The following ZNF699 variants were observed in gnomAD, a reference collection of about 807,000 sequenced individuals.
ZNF699 encodes hangover homolog.
ZNF699 carries 18 observed loss-of-function variants against 22.5 expected under a neutral mutation model. The ratio of observed to expected loss-of-function variants is 0.80; its 90% CI spans 0.55 to 1.19. The LOEUF (loss-of-function observed/expected upper bound fraction) is 1.19, where lower values mean the gene tolerates loss of function less well. Ranked by LOEUF, ZNF699 falls within the 50% of genes most tolerant of loss-of-function variation. The pLI is 0.00. For missense variants in ZNF699, 670 were observed against 763.4 expected (o/e 0.88, Z 1.44); for synonymous variants, 241 against 262.3 (o/e 0.92, Z 0.78).
At position 9,297,589 on chromosome 19, in the gene ZNF699, C is replaced by T; in HGVS notation, c.287-110G>A. 1 of 792,914 alleles carries T rather than the reference C, an allele frequency of 1.3e-6. No homozygotes were observed. 49.1% of individuals were successfully genotyped at this position (792,914 alleles called of 1,614,324 possible). ...AAGGGTCAAAATGGTAAGCAATTAACTAAGAAATAATTTTATGAAGATTGA... is the reference window on the plus strand; with the variant it reads ...AAGGGTCAAAATGGTAAGCAATTAATTAAGAAATAATTTTATGAAGATTGA... On this transcript the variant is annotated intron_variant, in intron 4 of 5. Coordinates refer to ENST00000591998, the MANE Select transcript of ZNF699 (RefSeq NM_198535.3). This position sits in a 1 kb window ranked among gnomAD's most constrained non-coding sequence, Gnocchi z 4.3.
intron 2 of ZNF699, 147 bp from the exon 3 acceptor site, chr19:9,302,651 C>A (rs2144980883): frequency 1.4e-6 from 1 of 711,836 alleles, no homozygotes; most frequent in East Asian, 2.9e-5. Context: ...GCTCAGTCAA[C>A]AAATCTCTCT....
intron 3 of ZNF699, 52 bp from the exon 4 acceptor site, chr19:9,298,042 C>G (rs1262450710): frequency 8.0e-7 from 1 of 1,252,310 alleles, no homozygotes; most frequent in Non-Finnish European, 1.2e-6. Context: ...GAATCACTAA[C>G]ATTTCCATGA....
At position 9,292,114 on chromosome 19, in the gene ZNF699, C is replaced by T. The variant is rs1446901691; in HGVS notation, c.*3361G>A. ...CTGAGTTCCCAGACTTCACAGTTCC[C>T]ACTTGCTGCTAAGACCAGCATAACA... On this transcript the variant is annotated 3_prime_UTR_variant, in exon 6 of 6. Transcript: ENST00000591998. Among the ~76,000 whole-genome samples the T allele has an allele frequency of 3.3e-5, 5 of 152,118 alleles. No homozygotes were observed. The highest frequency in any genetic ancestry group is 2.6e-4 in the Admixed American group (4 of 15,274).
At chr19:9,308,857 G>A (rs1268743017) in intron 1 of ZNF699, among the ~76,000 whole-genome samples, 3 of 152,184 alleles carry the variant, frequency 2.0e-5, no homozygotes, top group African/African-American at 7.2e-5. Context: ...ACTGACAGAT[G>A]ACCAAATTTT....
Position 9,298,000 on chromosome 19 carries a change from C to G in ZNF699, c.176-10G>C, listed in dbSNP as rs1426667007. On this transcript the variant is annotated splice_polypyrimidine_tract_variant and intron_variant, in intron 3 of 5. Coordinates refer to ENST00000591998, the MANE Select transcript of ZNF699 (RefSeq NM_198535.3). The surrounding 1 kb of genome is among the most constrained non-coding windows in gnomAD (Gnocchi z 4.3). ...GTGTGTAGCGGATACCCTGCACAAG[C>G]AGAAAGGCATATCACGAGGGAAAAT... 6.5e-7 allele frequency: 1 copy of G among 1,550,068 alleles called. No homozygotes were observed. Among genetic ancestry groups the G allele is most frequent in the African/African-American group, 1.4e-5 (1 of 73,154 alleles).
intron 1 of ZNF699, among the ~76,000 whole-genome samples, chr19:9,306,261 G>T (rs1017415767): frequency 6.6e-6 from 1 of 151,912 alleles, no homozygotes; most frequent in Non-Finnish European, 1.5e-5. Flanking sequence ...GCGTGGTGGC[G>T]CAAGCCTGTA....
rs202023274 is a variant in ZNF699, at chr19:9,296,526, G to A, written c.878C>T (p.Ser293Leu). Residue 293 changes from serine to leucine, a missense_variant, in exon 6 of 6, where the codon TCG becomes TTG. Physicochemically the swap from Ser to Leu is moderately radical, Grantham distance 145. Transcript: ENST00000591998. ...ECGKGFSCSSSLTEHKRIHSG... is the reference protein window; with the variant it reads ...ECGKGFSCSSLLTEHKRIHSG... The stretch of plus-strand genomic sequence containing the variant: ...GTGAATTCTTTTGTGTTCTGTGAGC[G>A]ATGAGGAACAACTAAAACCTTTCCC... The A allele has an allele frequency of 1.8e-4, 286 of 1,613,986 alleles. No individual in the cohort carries two copies. Among genetic ancestry groups the A allele is most frequent in the Non-Finnish European group, 2.2e-4 (259 of 1,180,024 alleles).
Position 9,295,944 on chromosome 19 carries a change from G to C in ZNF699, c.1460C>G (p.Ser487Cys). The C allele has an allele frequency of 6.2e-7, 1 of 1,614,024 alleles. No individual in the cohort carries two copies. The highest frequency in any genetic ancestry group is 1.1e-5 in the South Asian group (1 of 91,068). Residue 487 changes from serine (S) to cysteine (C), a missense_variant, in exon 6 of 6, where the codon TCC becomes TGC. Coordinates refer to ENST00000591998, the MANE Select transcript of ZNF699 (RefSeq NM_198535.3). ...CKECGKTFSR[S>C]SSLTEHLRTH... ...TCTTAGGTGTTCGGTGAGGGATGAG[G>C]AACGACTAAAGGTCTTCCCACACTC...
At chr19:9,305,282 C>G (rs1002929234) in intron 1 of ZNF699, among the ~76,000 whole-genome samples, 158 bp from the exon 2 acceptor site, 2 of 152,040 alleles carry the variant, frequency 1.3e-5, no homozygotes, top group South Asian at 2.1e-4. Context: ...CACACACACA[C>G]ACACATGCAC....
rs545148248 is a variant in ZNF699, at chr19:9,301,264, A to G, written c.175+1114T>C. Among the ~76,000 whole-genome samples the G allele has an allele frequency of 4.3e-3, 650 of 152,256 alleles. 5 individuals carry two copies. Among genetic ancestry groups the G allele is most frequent in the Non-Finnish European group, 7.0e-3 (478 of 68,020 alleles). On this transcript the variant is annotated intron_variant, in intron 3 of 5. Coordinates refer to ENST00000591998, the MANE Select transcript of ZNF699 (RefSeq NM_198535.3). ...TGGATTAGGATGGGCCCTAAATCCA[A>G]TGACTGGTGTCCTTATAAGGAGACA...
Position 9,306,613 on chromosome 19 carries a change from A to G in ZNF699, c.-5-1489T>C, listed in dbSNP as rs2066328874. On this transcript the variant is annotated intron_variant, in intron 1 of 5. Coordinates refer to ENST00000591998, the MANE Select transcript of ZNF699 (RefSeq NM_198535.3). ...AGAATGACTTTGCAAAGAAATGGCC[A>G]CATTTTAGAATATTTCTCACAGAAG... Among the ~76,000 whole-genome samples, 3 of 152,352 alleles carry G rather than the reference A, an allele frequency of 2.0e-5. No individual in the cohort carries two copies. The South Asian group carries it at 6.2e-4, about 32-fold the overall frequency.
Position 9,299,392 on chromosome 19 carries a change from C to T in ZNF699, c.176-1402G>A, listed in dbSNP as rs538864465. Among the ~76,000 whole-genome samples the T allele has an allele frequency of 1.5e-4, 23 of 152,324 alleles. No individual in the cohort carries two copies. In the South Asian group the frequency reaches 4.8e-3, roughly 32 times the overall value. ...CTCGTGATTCACCCGCCTCGGCCTC[C>T]CAAAGTGCTGGGATTACAGGCGTCA... On this transcript the variant is annotated intron_variant, in intron 3 of 5. Coordinates refer to ENST00000591998, the MANE Select transcript of ZNF699 (RefSeq NM_198535.3).
chr19:9,298,049 A>T lies in ZNF699; in HGVS notation c.176-59T>A, dbSNP rs2066293716. ...ATAATGAAGAATCACTAACATTTCCATGAAACAGAAACAAAACTTTAGTCT... is the reference window on the plus strand; with the variant it reads ...ATAATGAAGAATCACTAACATTTCCTTGAAACAGAAACAAAACTTTAGTCT... On this transcript the variant is annotated intron_variant, in intron 3 of 5. Coordinates refer to ENST00000591998, the MANE Select transcript of ZNF699 (RefSeq NM_198535.3). The T allele has an allele frequency of 6.7e-6, 8 of 1,198,188 alleles. No individual in the cohort carries two copies. In the South Asian group the frequency reaches 1.1e-4, roughly 16 times the overall value. The allele number at this position is 1,198,188 out of a possible 1,614,324, so 74.2% of individuals were successfully genotyped here.
intron 1 of ZNF699, among the ~76,000 whole-genome samples, chr19:9,306,375 G>A (rs1288839697): frequency 3.4e-5 from 5 of 147,774 alleles, no homozygotes; most frequent in African/African-American, 1.2e-4. Context: ...CTGGGAGACA[G>A]AGCGAGACTC....
intron 3 of ZNF699, among the ~76,000 whole-genome samples, chr19:9,298,534 T>A (rs1029688971): frequency 3.9e-5 from 6 of 152,038 alleles, no homozygotes; most frequent in African/African-American, 1.4e-4. Context: ...CTCAATATCA[T>A]TACAAGCTGG....
rs770525661 is a variant in ZNF699 at position 9,295,628 on chromosome 19, A to G, written c.1776T>C (p.Cys592=). 6.2e-7 allele frequency: 1 copy of G among 1,614,110 alleles called. No homozygotes were observed. The highest frequency in any genetic ancestry group is 8.5e-7 in the Non-Finnish European group (1 of 1,180,016). The stretch of plus-strand genomic sequence containing the variant: ...ATGAGGGACAACTGAAAGCTTTTCC[A>G]CATTCCAGACATTCAAAGGGTTTCT... The part of the protein sequence containing the change: ...TGEKPFECLE[C]GKAFSCPSSF... The change falls in exon 6 of 6, where the codon TGT becomes TGC. Residue 592 remains cysteine (C), a synonymous_variant. Transcript: ENST00000591998.
At chr19:9,307,395 C>T (rs750441313) in intron 1 of ZNF699, among the ~76,000 whole-genome samples, 37 of 151,934 alleles carry the variant, frequency 2.4e-4, no homozygotes, top group Admixed American at 1.3e-4. Flanking sequence ...AAGAAAAATC[C>T]TGAAGCAAAT....
rs1599247701 is a variant in ZNF699 at position 9,291,353 on chromosome 19, T to C, written c.*4122A>G. On this transcript the variant is annotated 3_prime_UTR_variant, in exon 6 of 6. Coordinates refer to ENST00000591998, the MANE Select transcript of ZNF699 (RefSeq NM_198535.3). ...GAGAAGGCAAGACAATCTTAAAGAA[T>C]AAAAAAGTTGGAAGGCTTTCACTAC... Among the ~76,000 whole-genome samples the C allele has an allele frequency of 6.6e-6, 1 of 152,094 alleles. No homozygotes were observed. Among genetic ancestry groups the C allele is most frequent in the African/African-American group, 2.4e-5 (1 of 41,424 alleles).
rs930085089 is a variant in ZNF699 at position 9,305,858 on chromosome 19, T to A, written c.-5-734A>T. ...CTGGGATTACAGGTGCACACCACCA[T>A]GCCTGGCTAATTTTTCTGTGTTTTT... On this transcript the variant is annotated intron_variant, in intron 1 of 5. Coordinates refer to ENST00000591998, the MANE Select transcript of ZNF699 (RefSeq NM_198535.3). 2.0e-5 allele frequency among the ~76,000 whole-genome samples: 3 copies of A among 152,074 alleles called. No individual in the cohort carries two copies. The East Asian group carries it at 5.9e-4, about 30-fold the overall frequency.
Sources: gnomAD v4.1 joint callset for allele counts (sites outside exome capture counted in the v4.1 genomes callset) on GRCh38, gnomAD v4.1.1 for gene constraint, Gnocchi (gnomAD v3.1) non-coding constraint, MANE v1.5 for transcripts, NCBI Gene and HGNC (gene_info 2026-07-23, HGNC 2026-07-21) for gene names.